Variants in TFEC observed in about 807,000 individuals in gnomAD.
The protein encoded by TFEC is transcription factor EC.
In TFEC, 31 loss-of-function variants were observed where a neutral mutation model predicts 41.6. The observed-to-expected ratio is 0.74, with a 90% CI of 0.56 to 1.01. The LOEUF is 1.01. TFEC is among the 50% of genes least tolerant of loss of function. The pLI, the probability that TFEC is intolerant of heterozygous loss-of-function variation, is 0.00. For missense variants in TFEC, 402 were observed against 404.1 expected (o/e 0.99, Z 0.04); for synonymous variants, 143 against 140.6 (o/e 1.02, Z -0.12).
intron 1 of TFEC, among the ~76,000 whole-genome samples, chr7:116,117,926 GC>G (rs1345422237): frequency 6.6e-6 from 1 of 151,674 alleles, no homozygotes; most frequent in African/African-American, 2.4e-5. Flanking sequence ...CTTTCAAAAT[GC>G]CCCAAGGCAC....
intron 1 of TFEC, among the ~76,000 whole-genome samples, chr7:116,020,202 G>C (rs1020891610): frequency 1.3e-5 from 2 of 152,092 alleles, no homozygotes; most frequent in African/African-American, 2.4e-5. Flanking sequence ...CTGAGTCTTT[G>C]TTCCTAATCA....
intron 3 of TFEC, among the ~76,000 whole-genome samples, chr7:116,100,763 T>G (rs1243910341): frequency 1.3e-5 from 2 of 152,002 alleles, no homozygotes; most frequent in Admixed American, 6.6e-5. Context: ...CTTACAGTAT[T>G]ATGTGGGCTA....
intron 3 of TFEC, among the ~76,000 whole-genome samples, chr7:116,061,818 T>C (rs1237646590): frequency 2.0e-5 from 3 of 152,138 alleles, no homozygotes; most frequent in East Asian, 1.9e-4. Flanking sequence ...ATAAGGTATA[T>C]GGATAGCAAA....
chr7:115,942,145 A>C, intron 6 of TFEC, 105 bp from the exon 7 acceptor site: 1 of 1,203,750 alleles, frequency 8.3e-7, no homozygotes, highest in South Asian at 1.9e-5. Context: ...TTACATGACT[A>C]TTATTCACTC....
chr7:116,052,643 G>C (rs1355665902), intron 3 of TFEC, among the ~76,000 whole-genome samples: 1 of 151,704 alleles, frequency 6.6e-6, no homozygotes, highest in Admixed American at 6.6e-5. Context: ...TGGCCAGGAT[G>C]GTCTCAATCT....
chr7:115,953,539 G>C lies in TFEC; in HGVS notation c.439+1047C>G, dbSNP rs552915445. ...TTGTTTAAGCTGCAGACACAGAAGA[G>C]AGAAGGTAGGATTAAGGTCAGTAAT... is the stretch of plus-strand genomic sequence containing the variant. On this transcript the variant is annotated intron_variant, in intron 5 of 7. Coordinates refer to ENST00000265440, the MANE Select transcript of TFEC (RefSeq NM_012252.4). Among the ~76,000 whole-genome samples the C allele has an allele frequency of 3.3e-5, 5 of 152,174 alleles. No individual in the cohort carries two copies. The South Asian group carries it at 6.2e-4, about 19-fold the overall frequency.
intron 3 of TFEC, among the ~76,000 whole-genome samples, chr7:116,069,720 C>T: frequency 6.6e-6 from 1 of 151,576 alleles, no homozygotes; most frequent in East Asian, 1.9e-4. Context: ...TCCCACTGTC[C>T]CTGCTTTAGT....
Position 116,130,045 on chromosome 7 carries a change from A to AACACACACACACAC in TFEC, c.-68-18021_-68-18008dup, listed in dbSNP as rs56872188. Among the ~76,000 whole-genome samples, 246 of 142,244 alleles carry AACACACACACACAC rather than the reference A, an allele frequency of 1.7e-3. 1 individual carries two copies. Among genetic ancestry groups the AACACACACACACAC allele is most frequent in the African/African-American group, 4.4e-3 (168 of 37,980 alleles). 93.3% of individuals were successfully genotyped at this position (142,244 alleles called of 152,430 possible). ...ATATTCCTGCCACCAAACATGCAAGAACACACACACACACACACACACACA... is the reference window on the plus strand; with the variant it reads ...ATATTCCTGCCACCAAACATGCAAGAACACACACACACACACACACACACACACACACACACACA... On this transcript the variant is annotated intron_variant, in intron 1 of 8. Transcript: ENST00000484212.
chr7:116,156,126 T>C (rs978910352), intron 1 of TFEC, among the ~76,000 whole-genome samples: 1 of 152,202 alleles, frequency 6.6e-6, no homozygotes, highest in Non-Finnish European at 1.5e-5. Flanking sequence ...TTAAAGAATC[T>C]TAGCCTGTGC....
chr7:116,049,407 A>T (rs965318029), intron 3 of TFEC, among the ~76,000 whole-genome samples: 2 of 152,238 alleles, frequency 1.3e-5, no homozygotes, highest in African/African-American at 4.8e-5. Flanking sequence ...TGGTAAAGGG[A>T]TCAATTCAAC....
chr7:116,047,321 T>A (rs113982682), intron 3 of TFEC, among the ~76,000 whole-genome samples: 4,669 of 152,094 alleles, frequency 0.031, 86 homozygotes, highest in Non-Finnish European at 0.038. Flanking sequence ...GCTTTTCCAA[T>A]GGTCTTAGCA....
In TFEC at chr7:115,942,259, T is replaced by C. The variant is rs573607156; in HGVS notation, c.516-219A>G. Among the ~76,000 whole-genome samples the C allele has an allele frequency of 2.6e-5, 4 of 152,148 alleles. No individual in the cohort carries two copies. In the South Asian group the frequency reaches 8.3e-4, roughly 32 times the overall value. ...GAAAATAAGTGTCAAAAGAAAGTAA[T>C]AAAGTGACTTTTTGTGGGAGAGCTA... On this transcript the variant is annotated intron_variant, in intron 6 of 7. Transcript: ENST00000265440.
At chr7:116,144,312 T>A (rs1175919160) in intron 1 of TFEC, among the ~76,000 whole-genome samples, 1 of 152,106 alleles carries the variant, frequency 6.6e-6, no homozygotes, top group Non-Finnish European at 1.5e-5. Flanking sequence ...ACTGAAGTAT[T>A]CACAAGGCAT....
At chr7:116,088,280 CT>C (rs1212175957) in intron 3 of TFEC, among the ~76,000 whole-genome samples, 1 of 152,144 alleles carries the variant, frequency 6.6e-6, no homozygotes. Flanking sequence ...TACTGCAGAA[CT>C]TTTCATTATT....
intron 1 of TFEC, among the ~76,000 whole-genome samples, chr7:116,137,827 AATG>A (rs1183841753): frequency 3.3e-5 from 5 of 152,120 alleles, no homozygotes; most frequent in South Asian, 4.1e-4. Context: ...AATCAACTTA[AATG>A]ATACTTGTGA....
At chr7:116,110,978 T>C in intron 2 of TFEC, 6 of 1,026,312 alleles carry the variant, frequency 5.8e-6, no homozygotes, top group Non-Finnish European at 8.1e-6. Context: ...TACAAAATAA[T>C]ATTTTATCAC....
chr7:115,959,077 A>G (rs953836033), intron 3 of TFEC, among the ~76,000 whole-genome samples: 4 of 151,886 alleles, frequency 2.6e-5, no homozygotes, highest in Non-Finnish European at 4.4e-5. Flanking sequence ...GTAGATCAGT[A>G]GGCAAATGAA....
intron 3 of TFEC, 141 bp from the exon 4 acceptor site, chr7:115,956,934 C>T (rs977655052): frequency 1.7e-5 from 8 of 469,744 alleles, no homozygotes; most frequent in African/African-American, 1.6e-4. Flanking sequence ...TGCTTTTAAA[C>T]AAGACGAGTA....
intron 3 of TFEC, among the ~76,000 whole-genome samples, chr7:116,076,426 T>C (rs1312738499): frequency 6.6e-6 from 1 of 151,752 alleles, no homozygotes; most frequent in Non-Finnish European, 1.5e-5. Flanking sequence ...CAAGATGAAA[T>C]CTCTGAATTG....
Sources: allele counts gnomAD v4.1 joint callset (sites outside exome capture counted in the v4.1 genomes callset), GRCh38; gene constraint gnomAD v4.1.1; transcripts MANE v1.5; gene names NCBI Gene and HGNC (gene_info 2026-07-23, HGNC 2026-07-21).